The following CMAS variants were observed in gnomAD, a reference collection of about 807,000 sequenced individuals.
The protein encoded by CMAS is N-acylneuraminate cytidylyltransferase.
A neutral mutation model predicts 53.4 loss-of-function variants in CMAS; 21 were observed. The ratio of observed to expected loss-of-function variants is 0.39; its 90% CI spans 0.28 to 0.57. The LOEUF is 0.57. Among genes scored for constraint, CMAS ranks in the 20% least tolerant of loss-of-function variants. The pLI is 0.56. For synonymous variants in CMAS, 189 were observed against 195.2 expected, an observed-to-expected ratio of 0.97 and a Z score of 0.27; for missense variants, 384 against 534.9, an observed-to-expected ratio of 0.72 and a Z score of 2.78.
intron 5 of CMAS, 75 bp from the exon 6 acceptor site, chr12:22,061,206 G>T: frequency 1.0e-6 from 1 of 969,862 alleles, no homozygotes; most frequent in South Asian, 1.4e-5. Flanking sequence ...GACATTTCAT[G>T]TATTGGTTTA....
At position 22,055,175 on chromosome 12, in the gene CMAS, A is replaced by G; in HGVS notation, c.287A>G (p.Glu96Gly). 6.2e-7 allele frequency: 1 copy of G among 1,613,402 alleles called. No homozygotes were observed. The highest frequency in any genetic ancestry group is 8.5e-7 in the Non-Finnish European group (1 of 1,179,706). The change falls in exon 2 of 8, where the codon GAA becomes GGA. Residue 96 changes from glutamate (E) to glycine (G), a missense_variant. Glu to Gly is a moderately conservative substitution (Grantham distance 98). Coordinates refer to ENST00000229329, the MANE Select transcript of CMAS (RefSeq NM_018686.6). ...QSVWVSTDHD[E>G]IENVAKQFGA... ...GTATGGGTTTCGACAGACCATGATGAAATTGAGAATGTGGCCAAACAATTT... is the reference window on the plus strand; with the variant it reads ...GTATGGGTTTCGACAGACCATGATGGAATTGAGAATGTGGCCAAACAATTT...
chr12:22,052,332 A>G (rs1289924353), intron 1 of CMAS, among the ~76,000 whole-genome samples: 3 of 152,286 alleles, frequency 2.0e-5, no homozygotes, highest in East Asian at 1.9e-4. Flanking sequence ...CTGGGACAGA[A>G]TAAGCACTTA....
intron 1 of CMAS, 174 bp from the exon 2 acceptor site, chr12:22,054,975 C>T: frequency 4.8e-6 from 2 of 414,572 alleles, no homozygotes; most frequent in Non-Finnish European, 8.6e-6. Context: ...TATTTATATA[C>T]AAAATACTTT....
chr12:22,060,401 A>G (rs112031678), intron 4 of CMAS, among the ~76,000 whole-genome samples: 1 of 140,738 alleles, frequency 7.1e-6, no homozygotes, highest in African/African-American at 2.6e-5. Context: ...CAGCACTTTG[A>G]GAGGCCAGCT....
At chr12:22,060,985 A>G in intron 5 of CMAS, 59 bp downstream of exon 5, 1 of 1,057,284 alleles carries the variant, frequency 9.5e-7, no homozygotes, top group South Asian at 1.3e-5. Context: ...ATATTTCTAG[A>G]TACTGATTTC....
Position 22,056,987 on chromosome 12 carries a change from T to C in CMAS, c.559+1377T>C, listed in dbSNP as rs144983347. ...TCTCTACCCCTAGATTGTATACTTTTTGAGAATAGAGAGAGTTCTGGTCAC... is the reference window on the plus strand; with the variant it reads ...TCTCTACCCCTAGATTGTATACTTTCTGAGAATAGAGAGAGTTCTGGTCAC... On this transcript the variant is annotated intron_variant, in intron 3 of 7. Coordinates refer to ENST00000229329, the MANE Select transcript of CMAS (RefSeq NM_018686.6). 2.0e-3 allele frequency among the ~76,000 whole-genome samples: 304 copies of C among 152,300 alleles called. 6 individuals are homozygous for C. The highest frequency in any genetic ancestry group is 6.7e-3 in the African/African-American group (277 of 41,568).
At chr12:22,049,172 C>G (rs1313362754) in intron 1 of CMAS, among the ~76,000 whole-genome samples, 1 of 152,216 alleles carries the variant, frequency 6.6e-6, no homozygotes, top group Non-Finnish European at 1.5e-5. Context: ...CCTGCTCATT[C>G]TTCAACCAGT....
At chr12:22,053,064 T>G (rs1950246159) in intron 1 of CMAS, among the ~76,000 whole-genome samples, 1 of 151,644 alleles carries the variant, frequency 6.6e-6, no homozygotes, top group Admixed American at 6.6e-5. Context: ...GAGGCTGAGG[T>G]GGGAGGGTCA....
In CMAS at chr12:22,062,324, C is replaced by G. The variant is rs777725080; in HGVS notation, c.1004C>G (p.Ser335Cys). 5 of 1,603,460 alleles carry G rather than the reference C, an allele frequency of 3.1e-6. No homozygotes were observed. The highest frequency in any genetic ancestry group is 4.3e-6 in the Non-Finnish European group (5 of 1,175,910). ...SERACSKQTL[S>C]SLKLDCKMEV... ...AGGGCCTGTTCAAAGCAGACGCTGT[C>G]TTCTTTAAAACTGGATTGCAAAATG... Residue 335 changes from serine (S) to cysteine (C), a missense_variant, in exon 7 of 8, where the codon TCT becomes TGT. Ser to Cys is a moderately radical substitution (Grantham distance 112). This residue lies in a region of CMAS where 134 missense variants were observed against 154.6 expected (regional missense o/e 0.87). Coordinates refer to ENST00000229329, the MANE Select transcript of CMAS (RefSeq NM_018686.6).
rs1324077238 is a variant in CMAS at position 22,060,928 on chromosome 12, T to TA, written c.788+7dup. 1 of 1,489,100 alleles carries TA rather than the reference T, an allele frequency of 6.7e-7. No individual in the cohort carries two copies. Among genetic ancestry groups the TA allele is most frequent in the South Asian group, 1.1e-5 (1 of 88,040 alleles). The allele number at this position is 1,489,100 out of a possible 1,614,324, so 92.2% of individuals were successfully genotyped here. A position where few individuals can be genotyped will look rare whatever the true frequency, so the allele number is the denominator to read the frequency against. On this transcript the variant is annotated splice_region_variant and intron_variant, in intron 5 of 7. Transcript: ENST00000229329. ...TATTGCAGAGCAAAGAGTATTAAGG[T>TA]AAAAACAAATAAACCTTTATAACCT...
At chr12:22,051,664 T>C (rs1950240055) in intron 1 of CMAS, among the ~76,000 whole-genome samples, 1 of 152,220 alleles carries the variant, frequency 6.6e-6, no homozygotes, top group Non-Finnish European at 1.5e-5. Context: ...GTTATGATCA[T>C]AGTATTTTAA....
chr12:22,050,059 G>C (rs559489315), intron 1 of CMAS, among the ~76,000 whole-genome samples: 4 of 152,198 alleles, frequency 2.6e-5, no homozygotes, highest in East Asian at 3.8e-4. Flanking sequence ...TAGGTCAAAA[G>C]GTAATAGAAG....
At chr12:22,052,313 G>A (rs956118314) in intron 1 of CMAS, among the ~76,000 whole-genome samples, 2 of 152,170 alleles carry the variant, frequency 1.3e-5, no homozygotes, top group African/African-American at 4.8e-5. Flanking sequence ...CTAGTGTCCA[G>A]AATCGTGCCT....
chr12:22,056,881 G>A (rs1226100789), intron 3 of CMAS, among the ~76,000 whole-genome samples: 6 of 152,206 alleles, frequency 3.9e-5, no homozygotes, highest in Non-Finnish European at 8.8e-5. Context: ...CAGGGAGAAA[G>A]CAGCCACCGA....
rs1394232333 is a variant in CMAS, at chr12:22,055,485, C to T, written c.434C>T (p.Thr145Ile). The change falls in exon 3 of 8, where the codon ACT (threonine) becomes ATT (isoleucine). Residue 145 changes from threonine (T) to isoleucine (I), a missense_variant. Thr to Ile is a moderately conservative substitution (Grantham distance 89). This residue lies in a region of CMAS where 139 missense variants were observed against 248.0 expected (regional missense o/e 0.56). Transcript: ENST00000229329. ...GACATTGTAGGAAATATTCAAGCTA[C>T]TTCTCCATGTTTACATCCTACTGAT... ...EVDIVGNIQA[T>I]SPCLHPTDLQ... The T allele has an allele frequency of 6.2e-7, 1 of 1,605,404 alleles. No individual in the cohort carries two copies. The highest frequency in any genetic ancestry group is 8.5e-7 in the Non-Finnish European group (1 of 1,177,906).
intron 3 of CMAS, among the ~76,000 whole-genome samples, chr12:22,057,944 C>T (rs957148790): frequency 4.0e-5 from 6 of 151,302 alleles, no homozygotes; most frequent in Admixed American, 6.6e-5. Context: ...TCTCCTGCCT[C>T]AGCCTCCCAA....
intron 7 of CMAS, among the ~76,000 whole-genome samples, chr12:22,064,278 C>T (rs189846030): frequency 4.0e-5 from 6 of 151,578 alleles, no homozygotes; most frequent in Admixed American, 3.9e-4. Context: ...CATCCTATTC[C>T]AAAAAAGGGG....
intron 4 of CMAS, among the ~76,000 whole-genome samples, chr12:22,060,074 G>A (rs1950298091): frequency 6.6e-6 from 1 of 151,696 alleles, no homozygotes; most frequent in South Asian, 2.1e-4. Flanking sequence ...CCCCTGTGTT[G>A]CCTGTTAGTT....
At chr12:22,058,769 A>G in intron 4 of CMAS, 69 bp downstream of exon 4, 1 of 1,524,134 alleles carries the variant, frequency 6.6e-7, no homozygotes, top group Non-Finnish European at 8.9e-7. Flanking sequence ...CTAGGGAAGA[A>G]GTATGGTACA....
Sources: allele counts gnomAD v4.1 joint callset (sites outside exome capture counted in the v4.1 genomes callset), GRCh38; gene constraint gnomAD v4.1.1; regional missense constraint gnomAD v4.1.1; transcripts MANE v1.5; gene names NCBI Gene and HGNC (gene_info 2026-07-23, HGNC 2026-07-21).